Variants in MACROD2 observed in about 807,000 individuals in gnomAD.
The protein encoded by MACROD2 is mono-ADP ribosylhydrolase 2.
Under a neutral mutation model 70.4 loss-of-function variants are expected in MACROD2, and 36 were observed. That is an observed-to-expected ratio of 0.51 (90% CI 0.39 to 0.68). MACROD2 has a LOEUF of 0.68. Among genes scored for constraint, MACROD2 ranks in the 30% least tolerant of loss-of-function variants. The pLI is 0.00. For synonymous variants in MACROD2, 172 were observed against 178.8 expected (o/e 0.96, Z 0.30); for missense variants, 496 against 538.4 (o/e 0.92, Z 0.78).
intron 8 of MACROD2, among the ~76,000 whole-genome samples, chr20:15,606,961 C>T (rs368569928): frequency 2.0e-5 from 3 of 149,010 alleles, no homozygotes; most frequent in African/African-American, 7.5e-5. Context: ...AAGATCGCAC[C>T]ATTGCACTCC....
chr20:14,074,028 G>A (rs1397563111), intron 2 of MACROD2, among the ~76,000 whole-genome samples: 1 of 151,906 alleles, frequency 6.6e-6, no homozygotes, highest in Non-Finnish European at 1.5e-5. Flanking sequence ...CTAACATTTC[G>A]GTATCTGATC....
chr20:14,536,660 T>TGTGC (rs1248847622), intron 4 of MACROD2, among the ~76,000 whole-genome samples: 3 of 151,538 alleles, frequency 2.0e-5, no homozygotes, highest in Admixed American at 1.3e-4. Context: ...TGTGTGTGTG[T>TGTGC]GTGCATGCAT....
chr20:14,768,180 T>C (rs1037944540), intron 5 of MACROD2, among the ~76,000 whole-genome samples: 3 of 152,078 alleles, frequency 2.0e-5, no homozygotes, highest in Non-Finnish European at 2.9e-5. Context: ...GGTCAAATGG[T>C]ATTTCTGGTT....
chr20:15,339,376 G>A lies in MACROD2; in HGVS notation c.541-92029G>A, dbSNP rs548101266. On this transcript the variant is annotated intron_variant, in intron 6 of 17. Coordinates refer to ENST00000684519, the MANE Select transcript of MACROD2 (RefSeq NM_001351661.2). ...CAATTTTCACTCTAAGACATCAATCGACAAAGCACCAAACAGCAAAACATA... is the reference window on the plus strand; with the variant it reads ...CAATTTTCACTCTAAGACATCAATCAACAAAGCACCAAACAGCAAAACATA... 4.0e-5 allele frequency among the ~76,000 whole-genome samples: 6 copies of A among 151,856 alleles called. 1 individual carries two copies. Among genetic ancestry groups the A allele is most frequent in the East Asian group, 1.9e-4 (1 of 5,184 alleles).
At chr20:15,288,281 G>T (rs1375738833) in intron 6 of MACROD2, among the ~76,000 whole-genome samples, 2 of 152,112 alleles carry the variant, frequency 1.3e-5, no homozygotes, top group African/African-American at 4.8e-5. Flanking sequence ...TGCTTTCCTT[G>T]GTGCAAGCTT....
At chr20:14,965,518 T>C (rs1007784251) in intron 5 of MACROD2, among the ~76,000 whole-genome samples, 1 of 137,206 alleles carries the variant, frequency 7.3e-6, no homozygotes, top group Non-Finnish European at 1.5e-5. Flanking sequence ...TGGAGTGTAG[T>C]GGCCCGATCT....
intron 8 of MACROD2, among the ~76,000 whole-genome samples, chr20:15,587,336 A>T (rs1299200590): frequency 6.6e-6 from 1 of 152,160 alleles, no homozygotes; most frequent in African/African-American, 2.4e-5. Flanking sequence ...ACACGTGGGA[A>T]TTCTGAGAGA....
At chr20:15,912,921 C>G (rs1444711444) in intron 10 of MACROD2, among the ~76,000 whole-genome samples, 1 of 152,072 alleles carries the variant, frequency 6.6e-6, no homozygotes, top group Non-Finnish European at 1.5e-5. Flanking sequence ...TGGAAAGGCA[C>G]CATGCAGTGT....
intron 1 of MACROD2, 24 bp from the exon 2 acceptor site, chr20:14,002,264 G>A (rs1246864569): frequency 7.0e-7 from 1 of 1,420,984 alleles, no homozygotes; most frequent in African/African-American, 1.4e-5. Context: ...AATACAAATG[G>A]AGATTCTGCT....
intron 5 of MACROD2, among the ~76,000 whole-genome samples, chr20:15,221,417 C>T (rs2145966543): frequency 6.6e-6 from 1 of 152,302 alleles, no homozygotes. Context: ...AATTCAGCTT[C>T]CCACATTTCC....
intron 5 of MACROD2, among the ~76,000 whole-genome samples, chr20:14,788,232 G>A (rs2072398986): frequency 6.6e-6 from 1 of 152,014 alleles, no homozygotes; most frequent in African/African-American, 2.4e-5. Context: ...AGGGCGACTT[G>A]CTGCAGCCTC....
At chr20:15,925,430 G>A (rs571322186) in intron 10 of MACROD2, among the ~76,000 whole-genome samples, 4 of 152,246 alleles carry the variant, frequency 2.6e-5, no homozygotes, top group East Asian at 1.9e-4. Context: ...AAAAACTAAC[G>A]GTATCAAAGT....
chr20:15,425,044 G>A (rs780667505), intron 6 of MACROD2, among the ~76,000 whole-genome samples: 21 of 152,276 alleles, frequency 1.4e-4, no homozygotes, highest in Non-Finnish European at 1.3e-4. Flanking sequence ...AGAGCTACGC[G>A]CAAAACTTTC....
chr20:14,975,230 A>G (rs1322487543), intron 5 of MACROD2, among the ~76,000 whole-genome samples: 1 of 152,174 alleles, frequency 6.6e-6, no homozygotes, highest in Non-Finnish European at 1.5e-5. Context: ...GGCTGGACAA[A>G]GGAAGGTGAG....
chr20:14,010,409 G>A (rs1439584462), intron 2 of MACROD2, among the ~76,000 whole-genome samples: 1 of 151,834 alleles, frequency 6.6e-6, no homozygotes, highest in African/African-American at 2.4e-5. Flanking sequence ...GTAGAGGGAA[G>A]GTAGAGGGGG....
At chr20:15,870,972 T>A (rs981443663) in intron 9 of MACROD2, among the ~76,000 whole-genome samples, 2 of 151,084 alleles carry the variant, frequency 1.3e-5, no homozygotes, top group African/African-American at 2.4e-5. Context: ...AGGTCAGGAG[T>A]TTGAGACCAG....
At chr20:15,840,173 A>T (rs185656018) in intron 8 of MACROD2, among the ~76,000 whole-genome samples, 2 of 152,332 alleles carry the variant, frequency 1.3e-5, no homozygotes, top group Non-Finnish European at 2.9e-5. Flanking sequence ...AAGCCACCAC[A>T]GAATGTCTGA....
intron 1 of MACROD2, among the ~76,000 whole-genome samples, chr20:14,000,930 C>T (rs1342280060): frequency 1.3e-5 from 2 of 152,212 alleles, no homozygotes; most frequent in Non-Finnish European, 2.9e-5. Context: ...CATACCATAT[C>T]TTGCAGCTTC....
intron 8 of MACROD2, among the ~76,000 whole-genome samples, chr20:15,578,490 A>G (rs993305833): frequency 1.5e-5 from 1 of 66,098 alleles, no homozygotes; most frequent in Non-Finnish European, 5.0e-5. Flanking sequence ...GTGCCTGGCA[A>G]GAGCTCAGTA....
Sources: gnomAD v4.1 joint callset for allele counts (sites outside exome capture counted in the v4.1 genomes callset) on GRCh38, gnomAD v4.1.1 for gene constraint, MANE v1.5 for transcripts, NCBI Gene and HGNC (gene_info 2026-07-23, HGNC 2026-07-21) for gene names.